SLC2A13: variants seen among roughly 807,000 people sequenced by gnomAD.
SLC2A13 encodes solute carrier family 2 member 13.
A neutral mutation model predicts 64.4 loss-of-function variants in SLC2A13; 32 were observed. The observed-to-expected ratio is 0.50, with a 90% CI of 0.37 to 0.67. The LOEUF is 0.67. SLC2A13 is among the 30% of genes least tolerant of loss of function. The pLI is 0.00. For missense variants in SLC2A13, 743 were observed against 829.2 expected (o/e 0.90, Z 1.28); for synonymous variants, 338 against 327.1 (o/e 1.03, Z -0.36).
chr12:39,823,637 C>T lies in SLC2A13; in HGVS notation c.1445+6466G>A, dbSNP rs867104884. The stretch of plus-strand genomic sequence containing the variant: ...ATGATGATATTATTATTATTATAGA[C>T]GGAGTTCTGCTATGTTGCCCAGGCT... On this transcript the variant is annotated intron_variant, in intron 7 of 9. Coordinates refer to ENST00000280871, the MANE Select transcript of SLC2A13 (RefSeq NM_052885.4). Among the ~76,000 whole-genome samples the T allele has an allele frequency of 1.2e-4, 17 of 147,606 alleles. No individual in the cohort carries two copies. In the East Asian group the frequency reaches 1.8e-3, roughly 15 times the overall value.
chr12:39,944,245 G>T (rs995722205), intron 4 of SLC2A13, among the ~76,000 whole-genome samples: 5 of 152,150 alleles, frequency 3.3e-5, no homozygotes, highest in Admixed American at 3.3e-4. Flanking sequence ...ACTTATTGAG[G>T]CTCATTTTAT....
intron 3 of SLC2A13, among the ~76,000 whole-genome samples, chr12:39,999,559 CT>C (rs1947290745): frequency 6.6e-6 from 1 of 152,262 alleles, no homozygotes; most frequent in Admixed American, 6.5e-5. Context: ...AAAACCTGCC[CT>C]GGTAAATTTG....
chr12:40,047,922 G>A (rs892036318), intron 2 of SLC2A13, 129 bp downstream of exon 2: 10 of 829,716 alleles, frequency 1.2e-5, no homozygotes, highest in Non-Finnish European at 1.8e-5. Context: ...TTTGCTGAAT[G>A]TCACCTACTT....
intron 7 of SLC2A13, among the ~76,000 whole-genome samples, chr12:39,799,475 A>G (rs1228579772): frequency 6.6e-6 from 1 of 152,026 alleles, no homozygotes; most frequent in Non-Finnish European, 1.5e-5. Context: ...AAATCCACCC[A>G]GAATAACCTC....
chr12:39,803,192 A>G (rs1198185605), intron 7 of SLC2A13, among the ~76,000 whole-genome samples: 1 of 150,904 alleles, frequency 6.6e-6, no homozygotes. Flanking sequence ...TGGCATCTAA[A>G]AGAAGCAAAT....
intron 4 of SLC2A13, among the ~76,000 whole-genome samples, chr12:39,933,851 T>C (rs1264258376): frequency 6.6e-6 from 1 of 152,148 alleles, no homozygotes; most frequent in African/African-American, 2.4e-5. Context: ...CTGAAAAGTA[T>C]CATGCCATCT....
At chr12:40,058,095 T>TGA (rs1948363403) in intron 1 of SLC2A13, among the ~76,000 whole-genome samples, 1 of 147,252 alleles carries the variant, frequency 6.8e-6, no homozygotes, top group Non-Finnish European at 1.5e-5. Context: ...ATAGATTGAT[T>TGA]TACTATATAT....
At chr12:39,994,278 C>T (rs1027904959) in intron 3 of SLC2A13, among the ~76,000 whole-genome samples, 1 of 150,656 alleles carries the variant, frequency 6.6e-6, no homozygotes, top group Non-Finnish European at 1.5e-5. Context: ...AGCTACTCGG[C>T]AGGCTGAGGC....
intron 3 of SLC2A13, among the ~76,000 whole-genome samples, chr12:40,010,116 C>T (rs28370655): frequency 0.012 from 1,758 of 152,320 alleles, 12 homozygotes; most frequent in Non-Finnish European, 0.02. Context: ...AGTTCTTAAA[C>T]ATTTCAGTAT....
At chr12:39,916,170 T>C (rs1177751787) in intron 4 of SLC2A13, among the ~76,000 whole-genome samples, 1 of 151,874 alleles carries the variant, frequency 6.6e-6, no homozygotes, top group Non-Finnish European at 1.5e-5. Context: ...TAATTTTAGA[T>C]GTTTAAATTA....
intron 4 of SLC2A13, among the ~76,000 whole-genome samples, chr12:39,936,729 C>G (rs564542813): frequency 6.6e-6 from 1 of 152,118 alleles, no homozygotes; most frequent in African/African-American, 2.4e-5. Context: ...GCTAAAGGCT[C>G]GGGCAGCCAA....
intron 3 of SLC2A13, among the ~76,000 whole-genome samples, chr12:39,962,236 G>A (rs28370702): frequency 2.6e-5 from 4 of 152,078 alleles, no homozygotes; most frequent in Non-Finnish European, 5.9e-5. Flanking sequence ...GATTACAGGC[G>A]CACACCACCA....
At chr12:39,790,423 T>C (rs1941353872) in intron 7 of SLC2A13, among the ~76,000 whole-genome samples, 1 of 140,150 alleles carries the variant, frequency 7.1e-6, no homozygotes, top group Non-Finnish European at 1.5e-5. Context: ...CCTGTGTCCA[T>C]GTGATCTCAT....
intron 3 of SLC2A13, among the ~76,000 whole-genome samples, chr12:40,010,492 G>A (rs1947511705): frequency 6.6e-6 from 1 of 151,334 alleles, no homozygotes; most frequent in Admixed American, 6.6e-5. Flanking sequence ...TGTTTTTCTT[G>A]CAAAAACCAC....
At chr12:39,952,121 TA>T (rs1342359274) in intron 3 of SLC2A13, among the ~76,000 whole-genome samples, 2 of 152,154 alleles carry the variant, frequency 1.3e-5, no homozygotes, top group Non-Finnish European at 2.9e-5. Context: ...TGGAAAGCTG[TA>T]AATCTGAACC....
At chr12:40,061,308 G>C (rs1401804462) in intron 1 of SLC2A13, among the ~76,000 whole-genome samples, 2 of 152,070 alleles carry the variant, frequency 1.3e-5, no homozygotes, top group African/African-American at 4.8e-5. Flanking sequence ...TTATACTTTA[G>C]TCTTGTGCAG....
intron 7 of SLC2A13, among the ~76,000 whole-genome samples, chr12:39,820,717 T>TTATA (rs11272834): frequency 3.7e-4 from 49 of 132,668 alleles, no homozygotes; most frequent in Non-Finnish European, 5.7e-4. Context: ...ATTTTTAAAT[T>TTATA]TATATATATA....
intron 7 of SLC2A13, among the ~76,000 whole-genome samples, chr12:39,804,009 A>G (rs1941889753): frequency 6.6e-6 from 1 of 152,194 alleles, no homozygotes; most frequent in Non-Finnish European, 1.5e-5. Context: ...CAGGAAGAAG[A>G]AATGTCTGAA....
chr12:39,895,977 TATAC>T (rs1439557651), intron 4 of SLC2A13, among the ~76,000 whole-genome samples: 86 of 145,046 alleles, frequency 5.9e-4, no homozygotes, highest in East Asian at 3.9e-3. Flanking sequence ...TGTGTATATG[TATAC>T]ATACATTCAT....
Sources: allele counts gnomAD v4.1 joint callset (sites outside exome capture counted in the v4.1 genomes callset), GRCh38; gene constraint gnomAD v4.1.1; transcripts MANE v1.5; gene names NCBI Gene and HGNC (gene_info 2026-07-23, HGNC 2026-07-21).